The following SMYD3 variants were observed in gnomAD, a reference collection of about 807,000 sequenced individuals.
SMYD3 encodes the protein SET and MYND domain containing 3.
In SMYD3, 36 loss-of-function variants were observed where a neutral mutation model predicts 57.7. The observed-to-expected ratio is 0.62, with a 90% CI of 0.48 to 0.82. SMYD3 has a LOEUF of 0.82. SMYD3 is among the 40% of genes least tolerant of loss of function. SMYD3 has a pLI of 0.00. For synonymous variants in SMYD3, 211 were observed against 195.0 expected, an observed-to-expected ratio of 1.08 and a Z score of -0.68; for missense variants, 515 against 538.8, an observed-to-expected ratio of 0.96 and a Z score of 0.44.
At chr1:245,895,825 A>T (rs2053742794) in intron 8 of SMYD3, among the ~76,000 whole-genome samples, 1 of 152,240 alleles carries the variant, frequency 6.6e-6, no homozygotes, top group African/African-American at 2.4e-5. Context: ...GGGCTGTGTA[A>T]CTCATAGGTG....
At chr1:246,029,056 T>C (rs1352555881) in intron 5 of SMYD3, among the ~76,000 whole-genome samples, 1 of 152,216 alleles carries the variant, frequency 6.6e-6, no homozygotes, top group Non-Finnish European at 1.5e-5. Context: ...CCATTATCAC[T>C]GTATACAAAA....
intron 10 of SMYD3, among the ~76,000 whole-genome samples, chr1:245,831,149 T>C (rs951154827): frequency 6.6e-6 from 1 of 152,212 alleles, no homozygotes; most frequent in Admixed American, 6.5e-5. Context: ...TAGCAGGGCC[T>C]CACCCTCAGT....
chr1:245,760,000 T>C (rs1445643073), intron 11 of SMYD3, among the ~76,000 whole-genome samples: 1 of 151,888 alleles, frequency 6.6e-6, no homozygotes, highest in Non-Finnish European at 1.5e-5. Flanking sequence ...TGGAAAGAAA[T>C]AAAAGTAGAT....
chr1:245,949,825 A>ACCCCCCCCCCCCCCCCCCC (rs376505931), intron 5 of SMYD3, among the ~76,000 whole-genome samples: 15 of 93,286 alleles, frequency 1.6e-4, no homozygotes, highest in Non-Finnish European at 2.1e-4. Context: ...AAAGAAACCC[A>ACCCCCCCCCCCCCCCCCCC]CCCCCCCCAC....
intron 5 of SMYD3, among the ~76,000 whole-genome samples, chr1:246,013,616 G>A (rs535572116): frequency 3.9e-5 from 6 of 152,180 alleles, no homozygotes; most frequent in South Asian, 4.1e-4. Context: ...TGAAAATCTC[G>A]TCAATGCAGC....
intron 5 of SMYD3, among the ~76,000 whole-genome samples, chr1:246,123,836 A>G (rs1014703170): frequency 6.6e-6 from 1 of 152,068 alleles, no homozygotes; most frequent in African/African-American, 2.4e-5. Flanking sequence ...GAAATGCACA[A>G]TTTTACATAG....
chr1:245,870,517 C>A (rs2052126874), intron 8 of SMYD3, among the ~76,000 whole-genome samples: 1 of 152,186 alleles, frequency 6.6e-6, no homozygotes, highest in Non-Finnish European at 1.5e-5. Context: ...TCTATCCCTG[C>A]ATGAATCAGT....
At chr1:246,177,392 C>T (rs1015290673) in intron 5 of SMYD3, among the ~76,000 whole-genome samples, 5 of 152,168 alleles carry the variant, frequency 3.3e-5, no homozygotes, top group African/African-American at 1.2e-4. Flanking sequence ...CACCAAGTTA[C>T]CCCTTCAATT....
intron 1 of SMYD3, among the ~76,000 whole-genome samples, chr1:246,506,643 C>T (rs540972665): frequency 6.6e-6 from 1 of 152,162 alleles, no homozygotes; most frequent in Non-Finnish European, 1.5e-5. Context: ...TTATACTCAT[C>T]CCAGCTCCCA....
At chr1:246,372,492 C>T (rs1167617860) in intron 1 of SMYD3, among the ~76,000 whole-genome samples, 1 of 152,196 alleles carries the variant, frequency 6.6e-6, no homozygotes, top group Non-Finnish European at 1.5e-5. Context: ...TTAATTTATT[C>T]AGATAATCTT....
chr1:246,222,475 T>C (rs72774464), intron 5 of SMYD3, among the ~76,000 whole-genome samples: 40,374 of 151,994 alleles, frequency 0.27, 6,096 homozygotes, highest in East Asian at 0.58. Flanking sequence ...CAGCCTCCAT[T>C]GCCTCATTTG....
At chr1:246,402,068 AAAG>A (rs1193382136) in intron 1 of SMYD3, among the ~76,000 whole-genome samples, 3 of 152,214 alleles carry the variant, frequency 2.0e-5, no homozygotes, top group Admixed American at 1.3e-4. Context: ...TTGTAGTCTG[AAAG>A]AAGAATAACC....
At chr1:245,794,724 T>G (rs1007590375) in intron 10 of SMYD3, among the ~76,000 whole-genome samples, 1 of 152,226 alleles carries the variant, frequency 6.6e-6, no homozygotes, top group Non-Finnish European at 1.5e-5. Context: ...TCCTCTGAGC[T>G]GCATTCTGGG....
chr1:246,396,761 G>A (rs2066680944), intron 1 of SMYD3, among the ~76,000 whole-genome samples: 3 of 152,210 alleles, frequency 2.0e-5, no homozygotes, highest in Admixed American at 6.5e-5. Context: ...ATGGTGAGAT[G>A]TGCTTGCTTC....
chr1:245,934,324 C>T lies in SMYD3; in HGVS notation c.532-4387G>A, dbSNP rs765089335. The stretch of plus-strand genomic sequence containing the variant: ...ACACTACATAACTGCCTCTGCCCCC[C>T]GGCACCCCGACTCCTAGAACTAATA... On this transcript the variant is annotated intron_variant, in intron 5 of 11. Transcript: ENST00000490107. Among the ~76,000 whole-genome samples the T allele has an allele frequency of 2.6e-5, 4 of 152,130 alleles. 1 individual carries two copies. The highest frequency in any genetic ancestry group is 4.1e-4 in the South Asian group (2 of 4,830).
chr1:246,246,661 T>C (rs866800610), intron 5 of SMYD3, among the ~76,000 whole-genome samples: 3 of 152,086 alleles, frequency 2.0e-5, no homozygotes, highest in African/African-American at 7.2e-5. Context: ...TATGCATTAA[T>C]AGTATATTTA....
chr1:246,256,582 G>A (rs192869865), intron 5 of SMYD3, among the ~76,000 whole-genome samples: 10 of 152,154 alleles, frequency 6.6e-5, no homozygotes, highest in African/African-American at 2.2e-4. Flanking sequence ...TGTTAATCTA[G>A]CTAATGGTCT....
chr1:246,089,751 G>A (rs1291910592), intron 5 of SMYD3, among the ~76,000 whole-genome samples: 1 of 152,132 alleles, frequency 6.6e-6, no homozygotes, highest in South Asian at 2.1e-4. Context: ...CAGGAGATGA[G>A]TAGACAAAAC....
intron 5 of SMYD3, among the ~76,000 whole-genome samples, chr1:246,300,944 T>C (rs986585604): frequency 6.6e-5 from 10 of 152,102 alleles, no homozygotes; most frequent in Non-Finnish European, 1.0e-4. Flanking sequence ...GATCAGATAA[T>C]AGAAAACACC....
Sources: gnomAD v4.1 joint callset for allele counts (sites outside exome capture counted in the v4.1 genomes callset) on GRCh38, gnomAD v4.1.1 for gene constraint, MANE v1.5 for transcripts, NCBI Gene and HGNC (gene_info 2026-07-23, HGNC 2026-07-21) for gene names.